Variants in CACNA2D1 observed in about 807,000 individuals in gnomAD.
CACNA2D1 encodes calcium voltage-gated channel auxiliary subunit alpha2delta 1.
Under a neutral mutation model 171.5 loss-of-function variants are expected in CACNA2D1, and 53 were observed. The observed-to-expected ratio is 0.31, with a 90% CI of 0.25 to 0.39. The LOEUF is 0.39. CACNA2D1 is among the 10% of genes least tolerant of loss of function. The pLI is 1.00. For missense variants in CACNA2D1, 903 were observed against 1,299.8 expected (o/e 0.69, Z 4.69); for synonymous variants, 442 against 443.1 (o/e 1.00, Z 0.03).
intron 3 of CACNA2D1, among the ~76,000 whole-genome samples, chr7:82,217,349 T>TTA (rs150004490): frequency 8.2e-6 from 1 of 122,654 alleles, no homozygotes; most frequent in Non-Finnish European, 1.6e-5. Context: ...CCTGCCTTTT[T>TTA]AAAAAAAAAA....
chr7:82,443,776 C>A lies in CACNA2D1; in HGVS notation c.-317G>T. The A allele has an allele frequency of 9.5e-7, 1 of 1,055,110 alleles. No homozygotes were observed. Among genetic ancestry groups the A allele is most frequent in the South Asian group, 4.8e-5 (1 of 20,880 alleles). 65.4% of individuals were successfully genotyped at this position (1,055,110 alleles called of 1,614,324 possible). The stretch of plus-strand genomic sequence containing the variant: ...GCCCGCCGGCGCTCGCGCGCTCTCG[C>A]TCTCCCTCTCGGTTTCCTCCCTGAT... On this transcript the variant is annotated 5_prime_UTR_variant, in exon 1 of 39. Coordinates refer to ENST00000356860, the MANE Select transcript of CACNA2D1 (RefSeq NM_000722.4).
intron 1 of CACNA2D1, among the ~76,000 whole-genome samples, chr7:82,367,762 T>C (rs1368140764): frequency 6.6e-6 from 1 of 152,050 alleles, no homozygotes; most frequent in Non-Finnish European, 1.5e-5. Flanking sequence ...ATGAACAAGG[T>C]TTCTACTGGA....
intron 3 of CACNA2D1, among the ~76,000 whole-genome samples, chr7:82,323,419 G>A (rs979824291): frequency 2.0e-5 from 3 of 152,138 alleles, no homozygotes; most frequent in Admixed American, 6.5e-5. Context: ...TGTACAAGTA[G>A]CTGAGAATCC....
intron 6 of CACNA2D1, among the ~76,000 whole-genome samples, chr7:82,089,324 C>G (rs982295873): frequency 3.9e-5 from 6 of 152,102 alleles, no homozygotes; most frequent in African/African-American, 1.4e-4. Context: ...AGCTAATTGT[C>G]TTAGATTAGG....
At chr7:82,372,051 CTG>C (rs1299237931) in intron 1 of CACNA2D1, among the ~76,000 whole-genome samples, 2 of 152,082 alleles carry the variant, frequency 1.3e-5, no homozygotes, top group African/African-American at 4.8e-5. Flanking sequence ...TGTTGTACAA[CTG>C]TTTGTCATTT....
intron 3 of CACNA2D1, among the ~76,000 whole-genome samples, chr7:82,233,393 C>T (rs1342399607): frequency 6.6e-6 from 1 of 152,018 alleles, no homozygotes; most frequent in Non-Finnish European, 1.5e-5. Flanking sequence ...GCATTCACAT[C>T]AAAAAACAGA....
chr7:81,970,435 C>T (rs1044022041), intron 27 of CACNA2D1, among the ~76,000 whole-genome samples: 9 of 151,488 alleles, frequency 5.9e-5, no homozygotes, highest in Non-Finnish European at 1.3e-4. Flanking sequence ...TCTCTTTAAA[C>T]GTCTCTTAAA....
At chr7:81,965,464 A>AT (rs1399069687) in intron 32 of CACNA2D1, 130 bp downstream of exon 32, 1 of 707,464 alleles carries the variant, frequency 1.4e-6, no homozygotes, top group East Asian at 2.6e-5. Flanking sequence ...AACATTAAGC[A>AT]TTTTACAAAT....
At chr7:82,273,639 T>C (rs1490772173) in intron 3 of CACNA2D1, among the ~76,000 whole-genome samples, 1 of 152,106 alleles carries the variant, frequency 6.6e-6, no homozygotes, top group Non-Finnish European at 1.5e-5. Context: ...AGGAGCACCC[T>C]ACCATGCCTG....
At chr7:82,249,765 A>G (rs1250107559) in intron 3 of CACNA2D1, among the ~76,000 whole-genome samples, 2 of 152,228 alleles carry the variant, frequency 1.3e-5, no homozygotes, top group African/African-American at 2.4e-5. Context: ...GACAGATTTT[A>G]TCTCAGTCCT....
At chr7:82,234,268 C>G (rs1006400700) in intron 3 of CACNA2D1, among the ~76,000 whole-genome samples, 3 of 152,024 alleles carry the variant, frequency 2.0e-5, no homozygotes, top group Admixed American at 2.0e-4. Context: ...AAAGCACATA[C>G]ATAATATATG....
chr7:82,100,426 T>C (rs1009287769), intron 6 of CACNA2D1, among the ~76,000 whole-genome samples: 1 of 152,162 alleles, frequency 6.6e-6, no homozygotes, highest in Non-Finnish European at 1.5e-5. Flanking sequence ...GTATTATTAG[T>C]GTTTTTAGAG....
intron 3 of CACNA2D1, among the ~76,000 whole-genome samples, chr7:82,195,133 A>T (rs1321046073): frequency 6.6e-6 from 1 of 152,042 alleles, no homozygotes; most frequent in Non-Finnish European, 1.5e-5. Context: ...AAATTATTTA[A>T]CCTATACTCT....
chr7:82,377,643 T>C (rs1381464304), intron 1 of CACNA2D1, among the ~76,000 whole-genome samples: 1 of 152,188 alleles, frequency 6.6e-6, no homozygotes, highest in Non-Finnish European at 1.5e-5. Context: ...GTCACTGTGA[T>C]TAGAGGTTAG....
chr7:82,364,473 G>A (rs1821453564), intron 1 of CACNA2D1, among the ~76,000 whole-genome samples: 2 of 152,178 alleles, frequency 1.3e-5, no homozygotes, highest in South Asian at 4.1e-4. Context: ...CCTCCACTCT[G>A]TATGTAGTTT....
chr7:82,241,786 A>G (rs1434431134), intron 3 of CACNA2D1, among the ~76,000 whole-genome samples: 2 of 152,154 alleles, frequency 1.3e-5, no homozygotes, highest in Non-Finnish European at 2.9e-5. Context: ...TGCAAATACG[A>G]CTGTATCAAC....
At chr7:82,205,568 TAC>T (rs929807928) in intron 3 of CACNA2D1, among the ~76,000 whole-genome samples, 2 of 151,916 alleles carry the variant, frequency 1.3e-5, no homozygotes, top group Non-Finnish European at 1.5e-5. Flanking sequence ...AAAATTAGAA[TAC>T]ACACACACAC....
chr7:82,092,148 G>T (rs776466684), intron 6 of CACNA2D1, among the ~76,000 whole-genome samples: 1 of 152,096 alleles, frequency 6.6e-6, no homozygotes, highest in South Asian at 2.1e-4. Context: ...TTTACATAGA[G>T]CAATTAGAAT....
chr7:82,079,322 T>C (rs1025772762), intron 7 of CACNA2D1, among the ~76,000 whole-genome samples: 27 of 152,168 alleles, frequency 1.8e-4, no homozygotes, highest in African/African-American at 6.5e-4. Flanking sequence ...GTCATCATCA[T>C]ACAAAGTATA....
Sources: gnomAD v4.1 joint callset for allele counts (sites outside exome capture counted in the v4.1 genomes callset) on GRCh38, gnomAD v4.1.1 for gene constraint, MANE v1.5 for transcripts, NCBI Gene and HGNC (gene_info 2026-07-23, HGNC 2026-07-21) for gene names.